ZBBX: variants seen among roughly 807,000 people sequenced by gnomAD.
ZBBX encodes the protein zinc finger B-box domain-containing protein 1.
A neutral mutation model predicts 108.5 loss-of-function variants in ZBBX; 101 were observed. The observed-to-expected ratio is 0.93, with a 90% CI of 0.79 to 1.10. The LOEUF (loss-of-function observed/expected upper bound fraction) is 1.10. Among genes scored for constraint, ZBBX ranks in the 50% least tolerant of loss-of-function variants. The pLI, the probability that ZBBX is intolerant of heterozygous loss-of-function variation, is 0.00. For missense variants in ZBBX, 1,009 were observed against 941.4 expected, an observed-to-expected ratio of 1.07 and a Z score of -0.94; for synonymous variants, 356 against 323.4, an observed-to-expected ratio of 1.10 and a Z score of -1.08.
At chr3:167,344,892 G>C (rs73879676) in intron 9 of ZBBX, among the ~76,000 whole-genome samples, 2,108 of 151,910 alleles carry the variant, frequency 0.014, 44 homozygotes, top group African/African-American at 0.048. Flanking sequence ...TGTTGCCTAG[G>C]AATGTAGTTG....
In ZBBX at chr3:167,298,304, C is replaced by G; in HGVS notation, c.1879+1G>C. 1 of 1,583,952 alleles carries G rather than the reference C, an allele frequency of 6.3e-7. No homozygotes were observed. The highest frequency in any genetic ancestry group is 8.6e-7 in the Non-Finnish European group (1 of 1,167,020). On this transcript the variant is annotated splice_donor_variant, in intron 18 of 21. Coordinates refer to ENST00000675490, the MANE Select transcript of ZBBX (RefSeq NM_001199201.2). LOFTEE classifies it high-confidence loss of function. Reference sequence around the variant, plus strand: ...TTTAGAAAAATGAGCTAGAAATTTACCTGCAAGTGTAATCCTAGTACTGGA... The same window carrying G: ...TTTAGAAAAATGAGCTAGAAATTTAGCTGCAAGTGTAATCCTAGTACTGGA...
the ZBBX span, among the ~76,000 whole-genome samples, chr3:167,226,811 AAT>A: frequency 1.3e-5 from 2 of 151,726 alleles, no homozygotes; most frequent in African/African-American, 2.4e-5. Flanking sequence ...TAACCAAAGA[AAT>A]ATGAATGGAA....
At chr3:167,188,090 A>C in the ZBBX span, among the ~76,000 whole-genome samples, 1 of 152,196 alleles carries the variant, frequency 6.6e-6, no homozygotes. Flanking sequence ...CTCAGATTAA[A>C]GGCAATGTAA....
intron 4 of ZBBX, among the ~76,000 whole-genome samples, chr3:167,372,083 C>T (rs1032561954): frequency 2.0e-5 from 3 of 152,050 alleles, no homozygotes; most frequent in Non-Finnish European, 4.4e-5. Flanking sequence ...TGGTAGCGTG[C>T]GCCTGTAATC....
intron 10 of ZBBX, among the ~76,000 whole-genome samples, chr3:167,329,615 C>A (rs1045645101): frequency 6.6e-6 from 1 of 152,058 alleles, no homozygotes; most frequent in African/African-American, 2.4e-5. Flanking sequence ...CAAAAAGTGC[C>A]AAAGGCAGCA....
intron 21 of ZBBX, among the ~76,000 whole-genome samples, chr3:167,241,519 T>C (rs994912991): frequency 1.1e-4 from 16 of 152,298 alleles, no homozygotes; most frequent in Non-Finnish European, 1.5e-4. Flanking sequence ...TAGTTTGTTT[T>C]TAATGATTTA....
chr3:167,270,701 G>C (rs535047722), intron 20 of ZBBX, among the ~76,000 whole-genome samples: 1 of 152,318 alleles, frequency 6.6e-6, no homozygotes, highest in East Asian at 1.9e-4. Flanking sequence ...TAGGGGTAAA[G>C]TTGACTGCAA....
At chr3:167,329,643 G>A (rs1738068137) in intron 10 of ZBBX, among the ~76,000 whole-genome samples, 1 of 152,140 alleles carries the variant, frequency 6.6e-6, no homozygotes, top group Non-Finnish European at 1.5e-5. Flanking sequence ...GAAAGGAAAT[G>A]ATACGTATGC....
At chr3:167,188,910 G>A in the ZBBX span, among the ~76,000 whole-genome samples, 1 of 152,184 alleles carries the variant, frequency 6.6e-6, no homozygotes, top group South Asian at 2.1e-4. Flanking sequence ...AAGTTATTGA[G>A]GAAACCCTGA....
rs1733524663 is a variant in ZBBX, at chr3:167,305,772, CA to C, written c.1595del (p.Leu532CysfsTer2). 6.2e-7 allele frequency: 1 copy of C among 1,612,846 alleles called. No individual in the cohort carries two copies. Among genetic ancestry groups the C allele is most frequent in the Non-Finnish European group, 8.5e-7 (1 of 1,179,504 alleles). On this transcript the variant is annotated frameshift_variant, in exon 17 of 22. Transcript: ENST00000675490. LOFTEE classifies it high-confidence loss of function. ...SCVSLESKDT[L>X]LGRDLEKAPI... ...GAGCTTTTTCTAAATCTCTACCTAG[CA>C]AAGTGTCCTTGCTTTCAAGTGATAC...
the ZBBX span, among the ~76,000 whole-genome samples, chr3:167,223,882 A>C: frequency 6.6e-6 from 1 of 152,016 alleles, no homozygotes; most frequent in Non-Finnish European, 1.5e-5. Flanking sequence ...GCATTAAAAC[A>C]GAATGATTTC....
chr3:167,276,953 G>T (rs1038345901), intron 20 of ZBBX, among the ~76,000 whole-genome samples: 7 of 152,086 alleles, frequency 4.6e-5, no homozygotes, highest in Non-Finnish European at 1.0e-4. Flanking sequence ...CATTCTTAAA[G>T]AAAAGAATTT....
chr3:167,406,402 T>C (rs1025325916), intron 1 of ZBBX, among the ~76,000 whole-genome samples: 1 of 152,094 alleles, frequency 6.6e-6, no homozygotes, highest in Non-Finnish European at 1.5e-5. Flanking sequence ...ATGTAAATGG[T>C]AGAGAAATCT....
chr3:167,217,367 G>A, the ZBBX span, among the ~76,000 whole-genome samples: 1 of 152,096 alleles, frequency 6.6e-6, no homozygotes, highest in Non-Finnish European at 1.5e-5. Context: ...ATGAAAAAAA[G>A]TTCAATATCA....
At chr3:167,328,661 G>C (rs1428905231) in intron 10 of ZBBX, among the ~76,000 whole-genome samples, 2 of 151,956 alleles carry the variant, frequency 1.3e-5, no homozygotes, top group Non-Finnish European at 2.9e-5. Flanking sequence ...GTACCAGCTA[G>C]TCTCACATTC....
intron 1 of ZBBX, among the ~76,000 whole-genome samples, chr3:167,406,382 T>C (rs1016840119): frequency 6.6e-6 from 1 of 152,166 alleles, no homozygotes; most frequent in Admixed American, 6.5e-5. Context: ...TTAAACGGTG[T>C]ATGGAAAAAA....
intron 4 of ZBBX, among the ~76,000 whole-genome samples, chr3:167,371,369 C>A (rs979572083): frequency 6.6e-6 from 1 of 152,188 alleles, no homozygotes; most frequent in African/African-American, 2.4e-5. Context: ...AACTACCCAA[C>A]TAACTGCATC....
chr3:167,193,096 T>C, the ZBBX span, among the ~76,000 whole-genome samples: 1 of 152,172 alleles, frequency 6.6e-6, no homozygotes, highest in Admixed American at 6.5e-5. Context: ...CTGCCTGGCT[T>C]GTTTTGGCTT....
intron 6 of ZBBX, 22 bp from the exon 7 acceptor site, chr3:167,360,745 T>A: frequency 7.4e-7 from 1 of 1,359,628 alleles, no homozygotes; most frequent in Non-Finnish European, 9.7e-7. Context: ...AAATAGATAC[T>A]ATTTGTCAGG....
Sources: allele counts gnomAD v4.1 joint callset (sites outside exome capture counted in the v4.1 genomes callset), GRCh38; gene constraint gnomAD v4.1.1; transcripts MANE v1.5; gene names NCBI Gene and HGNC (gene_info 2026-07-23, HGNC 2026-07-21).